The following STX8 variants were observed in gnomAD, a reference collection of about 807,000 sequenced individuals.
STX8 encodes the protein syntaxin-8.
In STX8, 23 loss-of-function variants were observed where a neutral mutation model predicts 37.5. The ratio of observed to expected loss-of-function variants is 0.61; its 90% confidence interval spans 0.44 to 0.87. The LOEUF (loss-of-function observed/expected upper bound fraction) is 0.87. STX8 is among the 40% of genes least tolerant of loss of function. The pLI is 0.00. For missense variants in STX8, 313 were observed against 284.7 expected (o/e 1.10, Z -0.71); for synonymous variants, 115 against 99.1 (o/e 1.16, Z -0.95).
chr17:9,266,825 G>A (rs530853303), intron 7 of STX8, among the ~76,000 whole-genome samples: 6 of 152,192 alleles, frequency 3.9e-5, no homozygotes, highest in Middle Eastern at 3.2e-3. Context: ...AGGGGCTGAT[G>A]AGAGAGCGGC....
At chr17:9,362,971 T>C (rs925163635) in intron 7 of STX8, among the ~76,000 whole-genome samples, 1 of 152,228 alleles carries the variant, frequency 6.6e-6, no homozygotes, top group Non-Finnish European at 1.5e-5. Flanking sequence ...AGGTATGATT[T>C]AACTCTGCAT....
intron 7 of STX8, among the ~76,000 whole-genome samples, chr17:9,281,427 C>T (rs1285806375): frequency 2.0e-5 from 3 of 152,138 alleles, no homozygotes; most frequent in African/African-American, 7.2e-5. Context: ...TGGAGAAGAT[C>T]GTGAGCCTAG....
At chr17:9,458,470 A>C (rs1905252006) in intron 6 of STX8, among the ~76,000 whole-genome samples, 1 of 152,244 alleles carries the variant, frequency 6.6e-6, no homozygotes, top group Admixed American at 6.5e-5. Flanking sequence ...TCTTAAGCAC[A>C]GGAGAGTTGA....
intron 2 of STX8, among the ~76,000 whole-genome samples, chr17:9,564,718 T>C (rs1460951372): frequency 6.6e-6 from 1 of 152,108 alleles, no homozygotes; most frequent in African/African-American, 2.4e-5. Context: ...CACAAACAAA[T>C]GGAAAAACAT....
At chr17:9,260,492 T>C (rs1906972539) in intron 7 of STX8, among the ~76,000 whole-genome samples, 3 of 152,032 alleles carry the variant, frequency 2.0e-5, no homozygotes, top group Non-Finnish European at 4.4e-5. Flanking sequence ...GGCGTGGTGG[T>C]GCACGCCTGT....
At chr17:9,541,380 G>A (rs35678725) in intron 4 of STX8, among the ~76,000 whole-genome samples, 55,658 of 151,672 alleles carry the variant, frequency 0.37, 10,512 homozygotes, top group African/African-American at 0.45. Context: ...CAATCAGGGG[G>A]CAGGGCACGA....
intron 6 of STX8, among the ~76,000 whole-genome samples, chr17:9,442,105 T>A (rs1904684662): frequency 6.6e-6 from 1 of 152,214 alleles, no homozygotes. Context: ...GTCTTCGAAC[T>A]CAGTGTCTTC....
intron 6 of STX8, among the ~76,000 whole-genome samples, chr17:9,446,613 A>G (rs1301714890): frequency 6.6e-6 from 1 of 152,252 alleles, no homozygotes; most frequent in Non-Finnish European, 1.5e-5. Flanking sequence ...ATAAATAAGT[A>G]GTAGTTAATG....
At chr17:9,352,702 C>T (rs1490829094) in intron 7 of STX8, among the ~76,000 whole-genome samples, 2 of 151,476 alleles carry the variant, frequency 1.3e-5, no homozygotes, top group Non-Finnish European at 2.9e-5. Flanking sequence ...CGGGGTTTCA[C>T]CGTGTTAGCC....
intron 6 of STX8, among the ~76,000 whole-genome samples, chr17:9,419,677 G>A (rs980260904): frequency 1.3e-5 from 2 of 152,086 alleles, no homozygotes; most frequent in African/African-American, 2.4e-5. Flanking sequence ...GAACGGTCAC[G>A]GCCTCAGGAT....
Position 9,491,832 on chromosome 17 carries a change from T to G in STX8, c.538A>C (p.Asn180His). ...TCAATCCCAGACTTATTCTTACCAT[T>G]TTGTTCATCCAATTCATTCCCAATT... ...QEIGNELDEQ[N>H]EIIDDLANLV... The change falls in exon 6 of 8, where the codon AAT (asparagine) becomes CAT (histidine). Residue 180 changes from asparagine (N) to histidine (H), a missense_variant. Transcript: ENST00000306357. 3 of 1,613,130 alleles carry G rather than the reference T, an allele frequency of 1.9e-6. No individual in the cohort carries two copies. The highest frequency in any genetic ancestry group is 2.5e-6 in the Non-Finnish European group (3 of 1,179,702).
chr17:9,256,910 C>G (rs1906818939), intron 7 of STX8, among the ~76,000 whole-genome samples: 2 of 152,230 alleles, frequency 1.3e-5, no homozygotes, highest in Admixed American at 1.3e-4. Flanking sequence ...AAATGTTTGA[C>G]ATTTCAGAAC....
chr17:9,304,308 G>C (rs1328809498), intron 7 of STX8, among the ~76,000 whole-genome samples: 1 of 152,040 alleles, frequency 6.6e-6, no homozygotes, highest in Non-Finnish European at 1.5e-5. Context: ...TCAGGAGTTT[G>C]AGACCAGCCG....
intron 6 of STX8, among the ~76,000 whole-genome samples, chr17:9,434,437 G>A (rs1028988343): frequency 6.6e-6 from 1 of 152,216 alleles, no homozygotes; most frequent in Admixed American, 6.5e-5. Context: ...AAGACAGAGT[G>A]GAACACTAAA....
intron 6 of STX8, among the ~76,000 whole-genome samples, chr17:9,470,589 T>A (rs1441219588): frequency 6.6e-6 from 1 of 152,256 alleles, no homozygotes; most frequent in Non-Finnish European, 1.5e-5. Flanking sequence ...CTAAAGAGCA[T>A]GCATCTACTT....
chr17:9,545,141 C>T lies in STX8; in HGVS notation c.323+31G>A, dbSNP rs777471564. On this transcript the variant is annotated intron_variant, in intron 4 of 7. Transcript: ENST00000306357. ...TATCTGCAAAGAAGTCTTCGCCCAC[C>T]AAGTAATCCCTGTAAATAAAAACAT... is the stretch of plus-strand genomic sequence containing the variant. The T allele has an allele frequency of 1.1e-5, 16 of 1,506,758 alleles. 1 individual carries two copies. In the South Asian group the frequency reaches 1.7e-4, roughly 16 times the overall value. 93.3% of individuals were successfully genotyped at this position (1,506,758 alleles called of 1,614,324 possible).
chr17:9,487,644 T>G (rs1026939208), intron 6 of STX8, among the ~76,000 whole-genome samples: 1 of 151,992 alleles, frequency 6.6e-6, no homozygotes, highest in African/African-American at 2.4e-5. Flanking sequence ...AAGTTTGCAC[T>G]GGCAACGAAT....
intron 6 of STX8, among the ~76,000 whole-genome samples, chr17:9,433,417 C>T (rs1308018113): frequency 6.6e-6 from 1 of 152,178 alleles, no homozygotes; most frequent in East Asian, 1.9e-4. Flanking sequence ...TCCTTCATCA[C>T]TATAAGCTTT....
intron 6 of STX8, among the ~76,000 whole-genome samples, chr17:9,392,856 G>A (rs1912271189): frequency 6.6e-6 from 1 of 152,114 alleles, no homozygotes; most frequent in African/African-American, 2.4e-5. Flanking sequence ...AGGACCTATG[G>A]GATAATGGGA....
Sources: gnomAD v4.1 joint callset for allele counts (sites outside exome capture counted in the v4.1 genomes callset) on GRCh38, gnomAD v4.1.1 for gene constraint, MANE v1.5 for transcripts, NCBI Gene and HGNC (gene_info 2026-07-23, HGNC 2026-07-21) for gene names.